SLC49A4: variants seen among roughly 807,000 people sequenced by gnomAD.
SLC49A4 encodes disrupted in renal cancer protein 2.
In SLC49A4, 36 loss-of-function variants were observed where a neutral mutation model predicts 50.6. The ratio of observed to expected loss-of-function variants is 0.71; its 90% CI spans 0.55 to 0.94. SLC49A4 has a LOEUF of 0.94. Among genes scored for constraint, SLC49A4 ranks in the 40% least tolerant of loss-of-function variants. SLC49A4 has a pLI of 0.00. For synonymous variants in SLC49A4, 248 were observed against 241.2 expected (o/e 1.03, Z -0.26); for missense variants, 503 against 605.7 (o/e 0.83, Z 1.78).
At chr3:122,876,203 G>T (rs1937265483) in intron 8 of SLC49A4, among the ~76,000 whole-genome samples, 1 of 152,206 alleles carries the variant, frequency 6.6e-6, no homozygotes, top group African/African-American at 2.4e-5. Context: ...ATTTGAGAAT[G>T]CTGTTGTATC....
At chr3:122,813,060 G>A (rs1286276066) in intron 2 of SLC49A4, among the ~76,000 whole-genome samples, 2 of 152,074 alleles carry the variant, frequency 1.3e-5, no homozygotes, top group African/African-American at 4.8e-5. Flanking sequence ...GACCAGCCTA[G>A]CCAACATAGT....
At chr3:122,806,372 C>G (rs1347603885) in intron 1 of SLC49A4, among the ~76,000 whole-genome samples, 1 of 151,908 alleles carries the variant, frequency 6.6e-6, no homozygotes, top group African/African-American at 2.4e-5. Context: ...TTAGAATCAT[C>G]TTATTTTCTT....
chr3:122,842,434 C>G (rs935686404), intron 4 of SLC49A4, among the ~76,000 whole-genome samples: 3 of 134,840 alleles, frequency 2.2e-5, no homozygotes, highest in Non-Finnish European at 4.6e-5. Flanking sequence ...TGCAGTGAGC[C>G]GAGATCGCGC....
chr3:122,830,948 C>T (rs926352594), intron 3 of SLC49A4, among the ~76,000 whole-genome samples: 3 of 152,026 alleles, frequency 2.0e-5, no homozygotes, highest in African/African-American at 4.8e-5. Context: ...AAGACAACGC[C>T]ATTAAGAAGT....
intron 1 of SLC49A4, among the ~76,000 whole-genome samples, chr3:122,796,547 T>C (rs1047490474): frequency 1.3e-5 from 2 of 152,190 alleles, no homozygotes; most frequent in African/African-American, 4.8e-5. Context: ...GGTGAGGGCC[T>C]GCTTCCTACA....
intron 2 of SLC49A4, 22 bp from the exon 3 acceptor site, chr3:122,826,778 C>T: frequency 6.2e-7 from 1 of 1,608,524 alleles, no homozygotes; most frequent in Non-Finnish European, 8.5e-7. Context: ...TACCTCACAG[C>T]CTTTTAATTT....
intron 8 of SLC49A4, among the ~76,000 whole-genome samples, chr3:122,878,219 A>G (rs1232230840): frequency 6.6e-6 from 1 of 152,238 alleles, no homozygotes; most frequent in Non-Finnish European, 1.5e-5. Context: ...ATATAAACCC[A>G]TAACAGTGAC....
intron 2 of SLC49A4, among the ~76,000 whole-genome samples, chr3:122,818,207 A>G (rs1936404240): frequency 3.3e-5 from 5 of 152,250 alleles, no homozygotes; most frequent in Admixed American, 2.6e-4. Flanking sequence ...TCACAAAACC[A>G]TTAACAATTA....
chr3:122,858,570 A>C (rs746373868), intron 6 of SLC49A4, among the ~76,000 whole-genome samples: 51 of 152,332 alleles, frequency 3.3e-4, no homozygotes, highest in Non-Finnish European at 4.6e-4. Flanking sequence ...CAGCTCTCAT[A>C]GGAAGTCATT....
chr3:122,795,181 CG>C lies in SLC49A4; in HGVS notation c.-11del. 7.6e-7 allele frequency: 1 copy of C among 1,315,034 alleles called. No individual in the cohort carries two copies. Among genetic ancestry groups the C allele is most frequent in the African/African-American group, 1.5e-5 (1 of 64,670 alleles). 81.5% of individuals were successfully genotyped at this position (1,315,034 alleles called of 1,614,324 possible). A position where few individuals can be genotyped will look rare whatever the true frequency, so the allele number is the denominator to read the frequency against. ...CTGCGCCCGGCAGTGGCTTCGCGGG[CG>C]ACGCGTCGCCATGGGCTCTCGCTGG... On this transcript the variant is annotated 5_prime_UTR_variant, in exon 1 of 9. Transcript: ENST00000261038.
chr3:122,829,344 T>A (rs928689113), intron 3 of SLC49A4, among the ~76,000 whole-genome samples: 1 of 152,210 alleles, frequency 6.6e-6, no homozygotes, highest in Non-Finnish European at 1.5e-5. Context: ...ATGATCATCT[T>A]AAAAGATGAA....
At chr3:122,866,708 C>T (rs531844542) in intron 7 of SLC49A4, among the ~76,000 whole-genome samples, 1 of 152,038 alleles carries the variant, frequency 6.6e-6, no homozygotes, top group African/African-American at 2.4e-5. Context: ...TCTAACCATC[C>T]CCCCCTGCCC....
At chr3:122,844,067 A>C (rs1936816155) in intron 4 of SLC49A4, among the ~76,000 whole-genome samples, 1 of 152,218 alleles carries the variant, frequency 6.6e-6, no homozygotes, top group Non-Finnish European at 1.5e-5. Context: ...AGACCTGAAA[A>C]TTTCTTTGGA....
At chr3:122,848,134 C>T (rs546691207) in intron 5 of SLC49A4, among the ~76,000 whole-genome samples, 1 of 152,232 alleles carries the variant, frequency 6.6e-6, no homozygotes, top group South Asian at 2.1e-4. Context: ...TGTTCTTTTA[C>T]CTGTCACATT....
chr3:122,858,824 A>G (rs1352502886), intron 6 of SLC49A4, among the ~76,000 whole-genome samples: 2 of 152,234 alleles, frequency 1.3e-5, no homozygotes, highest in African/African-American at 2.4e-5. Context: ...GTGCCCGTAC[A>G]ATCAACAGTT....
intron 4 of SLC49A4, among the ~76,000 whole-genome samples, 194 bp downstream of exon 4, chr3:122,833,640 T>C (rs1034283972): frequency 1.3e-5 from 2 of 152,172 alleles, no homozygotes; most frequent in Admixed American, 1.3e-4. Flanking sequence ...AAACAAAAAC[T>C]TCTATAATTT....
At chr3:122,852,363 A>C (rs1289296419) in intron 5 of SLC49A4, among the ~76,000 whole-genome samples, 2 of 152,164 alleles carry the variant, frequency 1.3e-5, no homozygotes, top group Admixed American at 6.5e-5. Context: ...TTCTCTATTA[A>C]AAATAGTTAT....
At chr3:122,812,652 C>T (rs1936315141) in intron 2 of SLC49A4, among the ~76,000 whole-genome samples, 1 of 152,288 alleles carries the variant, frequency 6.6e-6, no homozygotes, top group South Asian at 2.1e-4. Context: ...TAGTCTTATA[C>T]TCATTTAAAT....
chr3:122,830,135 C>T (rs1286151254), intron 3 of SLC49A4, among the ~76,000 whole-genome samples: 1 of 152,096 alleles, frequency 6.6e-6, no homozygotes, highest in Non-Finnish European at 1.5e-5. Flanking sequence ...AAGTGCAGAA[C>T]TTATAATCTG....
Sources: gnomAD v4.1 joint callset for allele counts (sites outside exome capture counted in the v4.1 genomes callset) on GRCh38, gnomAD v4.1.1 for gene constraint, MANE v1.5 for transcripts, NCBI Gene and HGNC (gene_info 2026-07-23, HGNC 2026-07-21) for gene names.